The following PDE4D variants were observed in gnomAD, a reference collection of about 807,000 sequenced individuals.
PDE4D encodes phosphodiesterase 4D, also known as 3',5'-cyclic-AMP phosphodiesterase 4D.
A neutral mutation model predicts 87.4 loss-of-function variants in PDE4D; 24 were observed. The ratio of observed to expected loss-of-function variants is 0.27; its 90% CI spans 0.20 to 0.39. The LOEUF (loss-of-function observed/expected upper bound fraction) is 0.39. Ranked by LOEUF, PDE4D falls within the 10% of genes least tolerant of loss-of-function variation. The pLI, the probability that PDE4D is intolerant of heterozygous loss-of-function variation, is 1.00. For synonymous variants in PDE4D, 384 were observed against 383.2 expected, an observed-to-expected ratio of 1.00 and a Z score of -0.02; for missense variants, 714 against 1,041.0, an observed-to-expected ratio of 0.69 and a Z score of 4.32.
At chr5:59,775,653 A>C (rs116701145) in intron 1 of PDE4D, among the ~76,000 whole-genome samples, 1,591 of 152,274 alleles carry the variant, frequency 0.01, 30 homozygotes, top group African/African-American at 0.037. Flanking sequence ...TCTTGGGTGG[A>C]CCTTCAGAAT....
At chr5:60,467,315 G>A (rs1747439390) in intron 1 of PDE4D, among the ~76,000 whole-genome samples, 1 of 152,166 alleles carries the variant, frequency 6.6e-6, no homozygotes, top group Admixed American at 6.5e-5. Context: ...TGGGATTACA[G>A]GCATGAGCCA....
At chr5:60,095,423 G>A (rs1447489575) in intron 2 of PDE4D, among the ~76,000 whole-genome samples, 1 of 152,114 alleles carries the variant, frequency 6.6e-6, no homozygotes, top group Non-Finnish European at 1.5e-5. Context: ...GTGTATATGT[G>A]CCACATTTTT....
In PDE4D at chr5:59,036,331, C is replaced by G. The variant is rs866835239; in HGVS notation, c.921+2528G>C. Reference sequence around the variant, plus strand: ...GAAAACTGTCATAATTTTTCAAAGGCTAAAGGAGAATAAACTGAAAATATC... The same window carrying G: ...GAAAACTGTCATAATTTTTCAAAGGGTAAAGGAGAATAAACTGAAAATATC... On this transcript the variant is annotated intron_variant, in intron 6 of 14. Coordinates refer to ENST00000340635, the MANE Select transcript of PDE4D (RefSeq NM_001104631.2). 3.3e-5 allele frequency among the ~76,000 whole-genome samples: 5 copies of G among 152,194 alleles called. No individual in the cohort carries two copies. The South Asian group carries it at 1.0e-3, about 32-fold the overall frequency.
At chr5:59,529,624 ACCTT>A (rs1813805092) in intron 1 of PDE4D, among the ~76,000 whole-genome samples, 1 of 152,164 alleles carries the variant, frequency 6.6e-6, no homozygotes, top group African/African-American at 2.4e-5. Flanking sequence ...TTCCCAATTT[ACCTT>A]CCTTTGAACT....
At chr5:60,257,038 C>G (rs533753028) in intron 1 of PDE4D, among the ~76,000 whole-genome samples, 98 of 151,802 alleles carry the variant, frequency 6.5e-4, no homozygotes, top group African/African-American at 2.2e-3. Flanking sequence ...AAGTTGTACA[C>G]TTTAAATATA....
chr5:59,469,816 T>C (rs1802170292), intron 1 of PDE4D, among the ~76,000 whole-genome samples: 1 of 152,134 alleles, frequency 6.6e-6, no homozygotes, highest in Non-Finnish European at 1.5e-5. Context: ...CAGCAGCTAA[T>C]AGAGCTGCCT....
intron 1 of PDE4D, among the ~76,000 whole-genome samples, chr5:59,413,457 C>CA (rs34074485): frequency 0.051 from 2,738 of 53,990 alleles, 126 homozygotes; most frequent in Middle Eastern, 0.085. Flanking sequence ...GACTCCATCT[C>CA]AAAAAAAAAA....
At chr5:58,978,102 G>C (rs1171887757) in intron 11 of PDE4D, among the ~76,000 whole-genome samples, 1 of 152,148 alleles carries the variant, frequency 6.6e-6, no homozygotes, top group East Asian at 1.9e-4. Flanking sequence ...CAGACCCAGA[G>C]CTACAAGATA....
Position 59,395,926 on chromosome 5 carries a change from C to G in PDE4D, c.456-179958G>C, listed in dbSNP as rs200250778. 1.3e-3 allele frequency among the ~76,000 whole-genome samples: 134 copies of G among 106,458 alleles called. 1 individual carries two copies. The highest frequency in any genetic ancestry group is 4.7e-3 in the Middle Eastern group (1 of 214). The allele number at this position is 106,458 out of a possible 152,430, so 69.8% of individuals were successfully genotyped here. On this transcript the variant is annotated intron_variant, in intron 1 of 14. Transcript: ENST00000340635. ...CTGAAAACCAAGGCTCAAGAACTACCTGAAGAATGCAGAAGCCTCAGGAGC... is the reference window on the plus strand; with the variant it reads ...CTGAAAACCAAGGCTCAAGAACTACGTGAAGAATGCAGAAGCCTCAGGAGC...
intron 1 of PDE4D, among the ~76,000 whole-genome samples, chr5:59,700,478 T>C (rs2150447942): frequency 6.6e-6 from 1 of 152,282 alleles, no homozygotes; most frequent in South Asian, 2.1e-4. Context: ...TTCACATTTA[T>C]TGAATACCAA....
At chr5:59,295,558 A>T (rs1038246473) in intron 1 of PDE4D, among the ~76,000 whole-genome samples, 1 of 152,166 alleles carries the variant, frequency 6.6e-6, no homozygotes, top group African/African-American at 2.4e-5. Flanking sequence ...TCGTAACATC[A>T]GGCAGAGATG....
chr5:60,214,153 T>C (rs1743575986), intron 1 of PDE4D, among the ~76,000 whole-genome samples: 2 of 152,092 alleles, frequency 1.3e-5, no homozygotes, highest in Admixed American at 6.5e-5. Flanking sequence ...AGAGAGTACA[T>C]ACATATGAAA....
chr5:59,634,960 G>T (rs2150163129), intron 1 of PDE4D, among the ~76,000 whole-genome samples: 1 of 152,104 alleles, frequency 6.6e-6, no homozygotes, highest in South Asian at 2.1e-4. Flanking sequence ...CTGGTTTTTT[G>T]AAACGATTAA....
chr5:59,992,227 G>A (rs1206567140), intron 2 of PDE4D, among the ~76,000 whole-genome samples: 1 of 152,162 alleles, frequency 6.6e-6, no homozygotes, highest in African/African-American at 2.4e-5. Flanking sequence ...TGAGTGTGAT[G>A]AGAATTATAG....
chr5:59,218,938 G>A (rs961590121), intron 1 of PDE4D, among the ~76,000 whole-genome samples: 3 of 149,152 alleles, frequency 2.0e-5, no homozygotes, highest in South Asian at 2.1e-4. Flanking sequence ...GTAAACTATC[G>A]CAAGAACAAA....
chr5:59,830,189 A>C (rs1740967758), intron 1 of PDE4D, among the ~76,000 whole-genome samples: 1 of 152,040 alleles, frequency 6.6e-6, no homozygotes, highest in Non-Finnish European at 1.5e-5. Flanking sequence ...GCATCTTTTC[A>C]CCTGTAATTG....
intron 1 of PDE4D, among the ~76,000 whole-genome samples, chr5:59,542,993 T>C (rs948561137): frequency 6.6e-6 from 1 of 152,066 alleles, no homozygotes; most frequent in Non-Finnish European, 1.5e-5. Flanking sequence ...CAGAGCCAAG[T>C]GAAAGTTATT....
chr5:60,469,402 T>C (rs1235338586), intron 1 of PDE4D, among the ~76,000 whole-genome samples: 1 of 152,198 alleles, frequency 6.6e-6, no homozygotes, highest in Non-Finnish European at 1.5e-5. Context: ...CTTTTTCTTC[T>C]ACAGCTTCTC....
In PDE4D at chr5:60,337,386, T is replaced by TACACACACACACACAC. The variant is rs1370710315; in HGVS notation, c.-90+150555_-90+150556insGTGTGTGTGTGTGTGT. 1.4e-3 allele frequency among the ~76,000 whole-genome samples: 131 copies of TACACACACACACACAC among 92,062 alleles called. 1 individual carries two copies. Among genetic ancestry groups the TACACACACACACACAC allele is most frequent in the African/African-American group, 5.0e-3 (129 of 25,748 alleles). The allele number at this position is 92,062 out of a possible 152,430, so 60.4% of individuals were successfully genotyped here. Reference sequence around the variant, plus strand: ...ATATATATATATATATATATATATATATACACACACACACACACACATATA... The same window carrying TACACACACACACACAC: ...ATATATATATATATATATATATATATACACACACACACACACATACACACACACACACACACATATA... On this transcript the variant is annotated intron_variant, in intron 1 of 16. Coordinates refer to the PDE4D transcript ENST00000502484.
Sources: allele counts gnomAD v4.1 joint callset (sites outside exome capture counted in the v4.1 genomes callset), GRCh38; gene constraint gnomAD v4.1.1; transcripts MANE v1.5; gene names NCBI Gene and HGNC (gene_info 2026-07-23, HGNC 2026-07-21).